Variants in CNTN5 observed in about 807,000 individuals in gnomAD.
CNTN5 encodes the protein contactin 5, also known as contactin-5.
In CNTN5, 77 loss-of-function variants were observed where a neutral mutation model predicts 129.1. The ratio of observed to expected loss-of-function variants is 0.60; its 90% CI spans 0.50 to 0.72. The LOEUF (loss-of-function observed/expected upper bound fraction) is 0.72. Ranked by LOEUF, CNTN5 falls within the 30% of genes least tolerant of loss-of-function variation. The pLI is 0.00. For missense variants in CNTN5, 1,478 were observed against 1,328.8 expected (o/e 1.11, Z -1.75); for synonymous variants, 509 against 465.6 (o/e 1.09, Z -1.20).
At chr11:99,689,519 T>G (rs900666435) in intron 3 of CNTN5, among the ~76,000 whole-genome samples, 1 of 67,844 alleles carries the variant, frequency 1.5e-5, no homozygotes, top group African/African-American at 6.1e-5. Context: ...AGAGTGAGAC[T>G]CCTCAAAAAA....
intron 2 of CNTN5, among the ~76,000 whole-genome samples, chr11:99,414,494 A>AAT (rs1203519315): frequency 6.6e-6 from 1 of 151,860 alleles, no homozygotes; most frequent in Non-Finnish European, 1.5e-5. Flanking sequence ...TATGTATAAG[A>AAT]ATATATATAT....
chr11:99,102,847 C>G (rs1244863807), intron 1 of CNTN5, among the ~76,000 whole-genome samples: 2 of 152,136 alleles, frequency 1.3e-5, no homozygotes, highest in Non-Finnish European at 1.5e-5. Context: ...ATCTTTTGAG[C>G]AGCACCCCAC....
intron 18 of CNTN5, among the ~76,000 whole-genome samples, chr11:100,273,757 A>G (rs949151765): frequency 1.3e-5 from 2 of 152,224 alleles, no homozygotes; most frequent in African/African-American, 4.8e-5. Context: ...GCTAGCACTC[A>G]AAAATAGAAA....
chr11:99,194,678 T>C (rs1858812348), intron 1 of CNTN5, among the ~76,000 whole-genome samples: 1 of 152,126 alleles, frequency 6.6e-6, no homozygotes, highest in East Asian at 1.9e-4. Context: ...CGATCTCGGC[T>C]CACTGCAACC....
rs760145222 is a variant in CNTN5, at chr11:100,340,649, C to T, written c.2917C>T (p.Pro973Ser). ...AGTGAGTGCAACCACCAAGAAATCC[C>T]GTAAGTGACCTGGGCTTTTTGTTTG... ...SEVSATTKKS[P>S]PSQAPSNLRW... Residue 973 changes from proline (P) to serine (S), a missense_variant and splice_region_variant, in exon 22 of 25, where the codon CCT becomes TCT. Transcript: ENST00000524871. 8 of 1,588,590 alleles carry T rather than the reference C, an allele frequency of 5.0e-6. No homozygotes were observed. Among genetic ancestry groups the T allele is most frequent in the East Asian group, 4.5e-5 (2 of 44,532 alleles).
intron 3 of CNTN5, among the ~76,000 whole-genome samples, chr11:99,783,936 A>G (rs1040521340): frequency 6.6e-6 from 1 of 151,900 alleles, no homozygotes; most frequent in African/African-American, 2.4e-5. Flanking sequence ...TAACCTGCAC[A>G]ATGTGCACAT....
intron 2 of CNTN5, among the ~76,000 whole-genome samples, chr11:99,543,365 A>G (rs1304488657): frequency 6.6e-6 from 1 of 152,148 alleles, no homozygotes; most frequent in Non-Finnish European, 1.5e-5. Context: ...TTCTGCTTTT[A>G]TTATACATTT....
At chr11:99,050,325 A>C (rs1404507612) in intron 1 of CNTN5, among the ~76,000 whole-genome samples, 2 of 152,030 alleles carry the variant, frequency 1.3e-5, no homozygotes, top group Admixed American at 6.6e-5. Flanking sequence ...TTTATGTTTT[A>C]GGGTAAAGAA....
At chr11:100,225,809 T>G (rs1306621991) in intron 16 of CNTN5, among the ~76,000 whole-genome samples, 1 of 152,106 alleles carries the variant, frequency 6.6e-6, no homozygotes, top group Non-Finnish European at 1.5e-5. Flanking sequence ...ATATTTTAGA[T>G]TAACTGGTCT....
chr11:99,850,994 C>G (rs1565604463), intron 6 of CNTN5, among the ~76,000 whole-genome samples: 1 of 152,006 alleles, frequency 6.6e-6, no homozygotes, highest in Admixed American at 6.6e-5. Context: ...AATCATGAAG[C>G]CATTCACTTT....
chr11:100,195,649 T>A (rs1235843631), intron 15 of CNTN5, among the ~76,000 whole-genome samples: 2 of 151,904 alleles, frequency 1.3e-5, no homozygotes, highest in African/African-American at 2.4e-5. Flanking sequence ...ACATTTAGCT[T>A]TAAGGTATAA....
intron 6 of CNTN5, among the ~76,000 whole-genome samples, chr11:99,869,784 G>T (rs1205367651): frequency 6.6e-6 from 1 of 152,098 alleles, no homozygotes; most frequent in East Asian, 1.9e-4. Context: ...TGTTCAATTT[G>T]CTTCTGCATT....
At chr11:100,032,002 T>C (rs979202954) in intron 9 of CNTN5, among the ~76,000 whole-genome samples, 1 of 152,182 alleles carries the variant, frequency 6.6e-6, no homozygotes, top group African/African-American at 2.4e-5. Context: ...AACCTGCCGA[T>C]CCACATAGGA....
At chr11:99,598,367 TCTCTCTCC>T (rs1471630564) in intron 3 of CNTN5, among the ~76,000 whole-genome samples, 166 of 14,424 alleles carry the variant, frequency 0.012, 30 homozygotes, top group East Asian at 0.083. Flanking sequence ...TCTCTCTCTC[TCTCTCTCC>T]CTCTCTCTCT....
chr11:99,687,414 G>A (rs1953843145), intron 3 of CNTN5, among the ~76,000 whole-genome samples: 1 of 152,124 alleles, frequency 6.6e-6, no homozygotes, highest in Admixed American at 6.6e-5. Flanking sequence ...CTCATTGTAT[G>A]TAAAATCTTC....
At chr11:99,102,771 T>A (rs10892773) in intron 1 of CNTN5, among the ~76,000 whole-genome samples, 73,906 of 151,840 alleles carry the variant, frequency 0.49, 18,280 homozygotes, top group East Asian at 0.6. Flanking sequence ...CTGTCTTCTG[T>A]GCCCTCCAAA....
At chr11:99,975,493 A>G (rs992590012) in intron 8 of CNTN5, among the ~76,000 whole-genome samples, 1 of 152,204 alleles carries the variant, frequency 6.6e-6, no homozygotes, top group Non-Finnish European at 1.5e-5. Context: ...TCACACTGCT[A>G]TAAAGAAGTA....
chr11:100,147,933 G>GTGTA (rs1007797900), intron 13 of CNTN5, among the ~76,000 whole-genome samples: 55 of 152,182 alleles, frequency 3.6e-4, no homozygotes, highest in African/African-American at 1.3e-3. Flanking sequence ...AATTTAGAAG[G>GTGTA]TGTATGTTTG....
intron 2 of CNTN5, among the ~76,000 whole-genome samples, chr11:99,381,777 T>C (rs1305292879): frequency 6.6e-6 from 1 of 152,152 alleles, no homozygotes; most frequent in Non-Finnish European, 1.5e-5. Context: ...ATTTTTAGCT[T>C]TAGGGCAGTG....
Sources: allele counts gnomAD v4.1 joint callset (sites outside exome capture counted in the v4.1 genomes callset), GRCh38; gene constraint gnomAD v4.1.1; transcripts MANE v1.5; gene names NCBI Gene and HGNC (gene_info 2026-07-23, HGNC 2026-07-21).